IMMT: variants seen among roughly 807,000 people sequenced by gnomAD.
The protein encoded by IMMT is inner membrane mitochondrial protein.
IMMT carries 40 observed loss-of-function variants against 92.7 expected under a neutral mutation model. That is an observed-to-expected ratio of 0.43 (90% confidence interval 0.34 to 0.56). The LOEUF (loss-of-function observed/expected upper bound fraction) is 0.56, where lower values mean the gene tolerates loss of function less well. IMMT is among the 20% of genes least tolerant of loss of function. The pLI, the probability that IMMT is intolerant of heterozygous loss-of-function variation, is 0.03. For synonymous variants in IMMT, 322 were observed against 336.1 expected (o/e 0.96, Z 0.46); for missense variants, 831 against 912.1 (o/e 0.91, Z 1.14).
At chr2:86,171,453 G>T in intron 4 of IMMT, 108 bp from the exon 5 acceptor site, 1 of 984,862 alleles carries the variant, frequency 1.0e-6, no homozygotes, top group Non-Finnish European at 1.6e-6. Flanking sequence ...ACTCCTTAGA[G>T]ACACAAATAT....
chr2:86,166,682 AC>A, intron 6 of IMMT, 38 bp from the exon 7 acceptor site: 1 of 1,547,042 alleles, frequency 6.5e-7, no homozygotes, highest in South Asian at 1.2e-5. Flanking sequence ...AACAAATCCT[AC>A]CCCCATAAAT....
intron 1 of IMMT, among the ~76,000 whole-genome samples, chr2:86,182,510 T>C (rs1672497989): frequency 6.6e-6 from 1 of 152,208 alleles, no homozygotes; most frequent in Non-Finnish European, 1.5e-5. Flanking sequence ...TTTTAAAATA[T>C]GTAAAGCAGA....
intron 11 of IMMT, among the ~76,000 whole-genome samples, chr2:86,152,075 T>C (rs1675500196): frequency 6.6e-6 from 1 of 152,196 alleles, no homozygotes; most frequent in South Asian, 2.1e-4. Flanking sequence ...GATTCTCATC[T>C]AGGCTTAAAC....
chr2:86,143,959 G>T lies in IMMT; in HGVS notation c.*309C>A. On this transcript the variant is annotated 3_prime_UTR_variant, in exon 15 of 15. Transcript: ENST00000410111. ...AGTTTTCATCTTGTTGCTTTATTCA[G>T]TTTGCTCCGAGGGCAAAATCAACAG... is the stretch of plus-strand genomic sequence containing the variant. 2.4e-6 allele frequency: 1 copy of T among 423,164 alleles called. No individual in the cohort carries two copies. Among genetic ancestry groups the T allele is most frequent in the Non-Finnish European group, 4.3e-6 (1 of 230,882 alleles). 26.2% of individuals were successfully genotyped at this position (423,164 alleles called of 1,614,324 possible).
At chr2:86,158,528 A>G (rs1676021812) in intron 10 of IMMT, 64 bp downstream of exon 10, 1 of 1,385,728 alleles carries the variant, frequency 7.2e-7, no homozygotes, top group Non-Finnish European at 1.0e-6. Flanking sequence ...AGATGAAGCA[A>G]GTTTAGATTC....
At position 86,186,910 on chromosome 2, in the gene IMMT, A is replaced by T. The variant is rs191657333; in HGVS notation, c.46-5538T>A. On this transcript the variant is annotated intron_variant, in intron 1 of 14. Transcript: ENST00000410111. The stretch of plus-strand genomic sequence containing the variant: ...ATTTGTAATTACTGTCTTTTTGCTC[A>T]AATTTTCCTATCTTGGGCCAATGGA... Among the ~76,000 whole-genome samples the T allele has an allele frequency of 1.5e-3, 231 of 152,252 alleles. 2 individuals carry two copies. The highest frequency in any genetic ancestry group is 5.4e-3 in the African/African-American group (223 of 41,552).
chr2:86,147,428 G>C (rs1443910891), intron 13 of IMMT, among the ~76,000 whole-genome samples: 1 of 152,206 alleles, frequency 6.6e-6, no homozygotes, highest in African/African-American at 2.4e-5. Context: ...ATAGGAGGAA[G>C]ATACACATGT....
chr2:86,176,496 T>C (rs765576795), intron 3 of IMMT, among the ~76,000 whole-genome samples: 1 of 152,124 alleles, frequency 6.6e-6, no homozygotes, highest in East Asian at 1.9e-4. Flanking sequence ...AAGGTCAGAA[T>C]AGGGGTACGG....
chr2:86,193,057 T>C (rs1198097389), intron 1 of IMMT: 1 of 153,274 alleles, frequency 6.5e-6, no homozygotes, highest in Non-Finnish European at 1.5e-5. Flanking sequence ...TATTCCCTCC[T>C]AGAGTAAAGA....
intron 10 of IMMT, among the ~76,000 whole-genome samples, chr2:86,156,507 T>C (rs1675866113): frequency 1.4e-5 from 2 of 147,864 alleles, no homozygotes; most frequent in Admixed American, 1.4e-4. Context: ...GGCAGGAGAA[T>C]CGCTTGAACC....
chr2:86,183,397 C>T (rs1672555806), intron 1 of IMMT, among the ~76,000 whole-genome samples: 1 of 152,158 alleles, frequency 6.6e-6, no homozygotes, highest in African/African-American at 2.4e-5. Flanking sequence ...CCTGCCACGG[C>T]CTCCCAAAGT....
At chr2:86,158,455 A>T in intron 10 of IMMT, 137 bp downstream of exon 10, 1 of 632,864 alleles carries the variant, frequency 1.6e-6, no homozygotes, top group Non-Finnish European at 2.6e-6. Flanking sequence ...GACTGTGGTT[A>T]AAATAAAACG....
At chr2:86,156,593 CAAA>C (rs57252871) in intron 10 of IMMT, among the ~76,000 whole-genome samples, 1 of 44,654 alleles carries the variant, frequency 2.2e-5, no homozygotes, top group Non-Finnish European at 4.7e-5. Context: ...GACTCCATCT[CAAA>C]AAAAAAAAAA....
chr2:86,175,975 T>C (rs1677402503), intron 3 of IMMT, among the ~76,000 whole-genome samples: 1 of 152,110 alleles, frequency 6.6e-6, no homozygotes, highest in African/African-American at 2.4e-5. Context: ...TTAACATTGG[T>C]TGAATAAATG....
chr2:86,171,571 TTG>T (rs1365138499), intron 4 of IMMT: 1 of 490,038 alleles, frequency 2.0e-6, no homozygotes, highest in Non-Finnish European at 3.7e-6. Flanking sequence ...GAAAGAAGTC[TTG>T]TCTGCATCCA....
At chr2:86,174,943 C>T (rs898972983) in intron 3 of IMMT, among the ~76,000 whole-genome samples, 8 of 152,038 alleles carry the variant, frequency 5.3e-5, no homozygotes, top group Admixed American at 5.2e-4. Flanking sequence ...TGAAAAGCAC[C>T]GTAGTGTAAT....
chr2:86,159,290 G>T (rs1197960726), intron 9 of IMMT: 2 of 518,944 alleles, frequency 3.9e-6, no homozygotes, highest in Non-Finnish European at 7.1e-6. Flanking sequence ...TCACCATGTT[G>T]CCCAGGCTGG....
intron 3 of IMMT, among the ~76,000 whole-genome samples, chr2:86,177,963 CT>C (rs777194574): frequency 1.3e-5 from 2 of 152,164 alleles, no homozygotes; most frequent in Non-Finnish European, 1.5e-5. Context: ...ACTGAGAGCA[CT>C]TATGGGACTC....
At chr2:86,155,741 T>C (rs1242622190) in intron 10 of IMMT, among the ~76,000 whole-genome samples, 1 of 152,140 alleles carries the variant, frequency 6.6e-6, no homozygotes, top group African/African-American at 2.4e-5. Flanking sequence ...GCAAAATGCC[T>C]CATAACACAA....
Sources: allele counts gnomAD v4.1 joint callset (sites outside exome capture counted in the v4.1 genomes callset), GRCh38; gene constraint gnomAD v4.1.1; transcripts MANE v1.5; gene names NCBI Gene and HGNC (gene_info 2026-07-23, HGNC 2026-07-21).